The following ENPEP variants were observed in gnomAD, a reference collection of about 807,000 sequenced individuals.
The protein encoded by ENPEP is AP-A.
ENPEP carries 103 observed loss-of-function variants against 114.5 expected under a neutral mutation model. That is an observed-to-expected ratio of 0.90 (90% CI 0.77 to 1.06). The LOEUF (loss-of-function observed/expected upper bound fraction) is 1.06, where lower values mean the gene tolerates loss of function less well. Ranked by LOEUF, ENPEP falls within the 50% of genes least tolerant of loss-of-function variation. The probability of loss-of-function intolerance (pLI) is 0.00; values close to 1 mark genes in which losing one functional copy is unlikely to be tolerated. For synonymous variants in ENPEP, 420 were observed against 422.0 expected, an observed-to-expected ratio of 1.00 and a Z score of 0.06; for missense variants, 1,196 against 1,161.3, an observed-to-expected ratio of 1.03 and a Z score of -0.43.
chr4:110,500,500 C>T (rs962233762), intron 3 of ENPEP, among the ~76,000 whole-genome samples: 7 of 152,028 alleles, frequency 4.6e-5, no homozygotes, highest in East Asian at 1.9e-4. Flanking sequence ...TAAATATATG[C>T]ATGAAAGTTA....
intron 1 of ENPEP, among the ~76,000 whole-genome samples, chr4:110,482,658 T>C (rs1422501813): frequency 6.6e-6 from 1 of 152,248 alleles, no homozygotes; most frequent in Non-Finnish European, 1.5e-5. Context: ...TTGTTCATTA[T>C]ATTCTTAGAT....
At chr4:110,507,715 C>A (rs910077722) in intron 4 of ENPEP, among the ~76,000 whole-genome samples, 3 of 152,226 alleles carry the variant, frequency 2.0e-5, no homozygotes, top group African/African-American at 4.8e-5. Flanking sequence ...GTGGCTCACG[C>A]CTGTAATCCC....
chr4:110,479,008 A>G (rs533989884), intron 1 of ENPEP, among the ~76,000 whole-genome samples: 15 of 152,360 alleles, frequency 9.8e-5, no homozygotes, highest in African/African-American at 2.9e-4. Context: ...GATAACATAA[A>G]TAATACACGT....
At chr4:110,486,874 A>G (rs1463554982) in intron 1 of ENPEP, among the ~76,000 whole-genome samples, 1 of 152,206 alleles carries the variant, frequency 6.6e-6, no homozygotes, top group African/African-American at 2.4e-5. Flanking sequence ...TTATTACTCA[A>G]CTTTGTCTCC....
rs10004516 is a variant in ENPEP at position 110,477,052 on chromosome 4, A to G, written c.638A>G (p.Gln213Arg). Residue 213 changes from glutamine to arginine, a missense_variant, in exon 1 of 20, where the codon CAA becomes CGA. Gln to Arg is a conservative substitution (Grantham distance 43). Transcript: ENST00000265162. ...FYRTTYTENG[Q>R]VKSIVATDHE... is the part of the protein sequence containing the mutation. ...AGAACCACCTACACGGAGAACGGAC[A>G]AGTCAAGTAAATATTAATTTTTGCT... 1,402,335 of 1,612,392 alleles carry G rather than the reference A, an allele frequency of 0.87. 610,764 individuals carry two copies. The highest frequency in any genetic ancestry group is 0.93 in the Admixed American group (55,825 of 59,936).
intron 10 of ENPEP, among the ~76,000 whole-genome samples, chr4:110,520,944 C>A (rs1725963986): frequency 6.6e-6 from 1 of 152,066 alleles, no homozygotes; most frequent in South Asian, 2.1e-4. Flanking sequence ...GGCAATGGCT[C>A]CAGGAAAAAA....
At chr4:110,539,656 C>T (rs758757767) in intron 11 of ENPEP, among the ~76,000 whole-genome samples, 15 of 152,062 alleles carry the variant, frequency 9.9e-5, no homozygotes, top group Non-Finnish European at 1.8e-4. Context: ...TCCCAAAGTG[C>T]TGGGATTACA....
intron 17 of ENPEP, among the ~76,000 whole-genome samples, 170 bp from the exon 18 acceptor site, chr4:110,553,145 T>A (rs1727349426): frequency 6.6e-6 from 1 of 152,108 alleles, no homozygotes; most frequent in South Asian, 2.1e-4. Context: ...CAGTTAAACA[T>A]ATCAGAAAAT....
At chr4:110,511,359 C>T (rs971259193) in intron 6 of ENPEP, among the ~76,000 whole-genome samples, 1 of 151,966 alleles carries the variant, frequency 6.6e-6, no homozygotes, top group African/African-American at 2.4e-5. Context: ...TACTTAGCAT[C>T]CCAGACTTCT....
At chr4:110,559,826 G>A in intron 19 of ENPEP, 101 bp downstream of exon 19, 2 of 936,986 alleles carry the variant, frequency 2.1e-6, no homozygotes, top group Non-Finnish European at 3.3e-6. Flanking sequence ...TGCAGAATGT[G>A]CAGGTTTGTT....
chr4:110,519,024 T>G (rs773663786), intron 8 of ENPEP: 2 of 452,176 alleles, frequency 4.4e-6, no homozygotes, highest in South Asian at 3.1e-5. Flanking sequence ...TTTGTGCAAC[T>G]TTCTGTAATG....
intron 10 of ENPEP, among the ~76,000 whole-genome samples, chr4:110,521,182 C>T (rs1397131241): frequency 6.6e-6 from 1 of 152,068 alleles, no homozygotes; most frequent in African/African-American, 2.4e-5. Flanking sequence ...GCCTGGGCAA[C>T]ATAACAAGAG....
At chr4:110,545,796 C>A (rs1727032160) in intron 13 of ENPEP, among the ~76,000 whole-genome samples, 2 of 151,988 alleles carry the variant, frequency 1.3e-5, no homozygotes, top group Non-Finnish European at 2.9e-5. Context: ...ACTTCTGACC[C>A]ACTTCTGGTC....
chr4:110,494,017 A>T (rs944303621), intron 3 of ENPEP, among the ~76,000 whole-genome samples: 6 of 152,246 alleles, frequency 3.9e-5, no homozygotes, highest in Non-Finnish European at 8.8e-5. Flanking sequence ...CGAAAAAGTC[A>T]TAACAAAATT....
chr4:110,522,538 A>G (rs1726040242), intron 10 of ENPEP, among the ~76,000 whole-genome samples: 1 of 152,176 alleles, frequency 6.6e-6, no homozygotes, highest in East Asian at 1.9e-4. Flanking sequence ...TATCAAATAC[A>G]TAATAGAGGA....
chr4:110,539,019 T>A (rs1726750156), intron 11 of ENPEP, among the ~76,000 whole-genome samples: 1 of 152,062 alleles, frequency 6.6e-6, no homozygotes, highest in Non-Finnish European at 1.5e-5. Context: ...ATTGCAATAG[T>A]AAAATCAAAA....
rs1727715458 is a variant in ENPEP, at chr4:110,562,595, A to T, written c.*1037A>T. On this transcript the variant is annotated 3_prime_UTR_variant, in exon 20 of 20. Coordinates refer to ENST00000265162, the MANE Select transcript of ENPEP (RefSeq NM_001977.4). ...TGCATATCTGAGCATATATCTCCTT[A>T]TAGATCAATTTTATGTATAAACCCT... The T allele has an allele frequency of 6.6e-6, 1 of 152,178 alleles. No homozygotes were observed. Among genetic ancestry groups the T allele is most frequent in the African/African-American group, 2.4e-5 (1 of 41,454 alleles). 9.4% of individuals were successfully genotyped at this position (152,178 alleles called of 1,614,324 possible).
intron 10 of ENPEP, among the ~76,000 whole-genome samples, chr4:110,529,008 T>C (rs996564202): frequency 6.6e-6 from 1 of 152,202 alleles, no homozygotes; most frequent in Non-Finnish European, 1.5e-5. Context: ...AACTATAAAA[T>C]TGTATAGCCT....
intron 18 of ENPEP, among the ~76,000 whole-genome samples, chr4:110,554,857 T>C (rs1225925214): frequency 6.6e-6 from 1 of 151,996 alleles, no homozygotes; most frequent in Non-Finnish European, 1.5e-5. Flanking sequence ...TAAATAATGG[T>C]TTATTTTGCA....
Sources: allele counts gnomAD v4.1 joint callset (sites outside exome capture counted in the v4.1 genomes callset), GRCh38; gene constraint gnomAD v4.1.1; transcripts MANE v1.5; gene names NCBI Gene and HGNC (gene_info 2026-07-23, HGNC 2026-07-21).